LRRC7: variants seen among roughly 807,000 people sequenced by gnomAD.
The protein encoded by LRRC7 is leucine-rich repeat-containing protein 7.
In LRRC7, 23 loss-of-function variants were observed where a neutral mutation model predicts 175.7. That is an observed-to-expected ratio of 0.13 (90% confidence interval 0.09 to 0.19). The LOEUF is 0.19. Among genes scored for constraint, LRRC7 ranks in the 10% least tolerant of loss-of-function variants. The probability of loss-of-function intolerance (pLI) is 1.00; values close to 1 mark genes in which losing one functional copy is unlikely to be tolerated. For missense variants in LRRC7, 1,354 were observed against 1,904.7 expected (o/e 0.71, Z 5.38); for synonymous variants, 685 against 680.9 (o/e 1.01, Z -0.09).
chr1:69,894,343 G>A lies in LRRC7; in HGVS notation c.648-37164G>A, dbSNP rs190691356. Among the ~76,000 whole-genome samples, 240 of 152,218 alleles carry A rather than the reference G, an allele frequency of 1.6e-3. 3 individuals are homozygous for A. The highest frequency in any genetic ancestry group is 5.7e-4 in the Non-Finnish European group (39 of 68,012). On this transcript the variant is annotated intron_variant, in intron 7 of 26. Transcript: ENST00000651989. ...TTTGAACCCTGGCAGTGTGACTCTC[G>A]CCTTGTTCTTAATTACTATGCACAG...
chr1:70,028,450 C>A, intron 18 of LRRC7, 79 bp downstream of exon 18: 1 of 1,247,246 alleles, frequency 8.0e-7, no homozygotes, highest in South Asian at 1.4e-5. Flanking sequence ...CTGAATAGAT[C>A]TTCCTTGATA....
intron 8 of LRRC7, among the ~76,000 whole-genome samples, chr1:69,956,603 T>C (rs1298164420): frequency 6.6e-6 from 1 of 151,802 alleles, no homozygotes; most frequent in South Asian, 2.1e-4. Context: ...ATATGGAAAA[T>C]AAATATATTA....
At chr1:69,906,452 G>T (rs969353005) in intron 7 of LRRC7, among the ~76,000 whole-genome samples, 14 of 152,150 alleles carry the variant, frequency 9.2e-5, no homozygotes, top group African/African-American at 2.9e-4. Context: ...TGTAAGGAAG[G>T]GATCCAGTTT....
chr1:69,738,615 T>C (rs112837021), intron 2 of LRRC7, among the ~76,000 whole-genome samples: 9 of 152,144 alleles, frequency 5.9e-5, no homozygotes, highest in African/African-American at 2.2e-4. Flanking sequence ...AGCCCGTTGC[T>C]TAGGGAGACT....
At chr1:70,104,351 T>C (rs1488612704) in intron 25 of LRRC7, among the ~76,000 whole-genome samples, 1 of 152,210 alleles carries the variant, frequency 6.6e-6, no homozygotes, top group Non-Finnish European at 1.5e-5. Context: ...GGTTTAGATT[T>C]ATCTGGTCTC....
At chr1:70,054,225 A>G (rs992794051) in intron 23 of LRRC7, among the ~76,000 whole-genome samples, 2 of 152,194 alleles carry the variant, frequency 1.3e-5, no homozygotes, top group East Asian at 3.8e-4. Context: ...GAGTATGTAA[A>G]TAAATTCTGT....
At chr1:69,815,897 C>T (rs1443510192) in intron 4 of LRRC7, among the ~76,000 whole-genome samples, 1 of 152,140 alleles carries the variant, frequency 6.6e-6, no homozygotes, top group African/African-American at 2.4e-5. Context: ...AGACTTGCCC[C>T]TTCTCACTAT....
At chr1:69,990,165 G>A (rs1188420645) in intron 10 of LRRC7, among the ~76,000 whole-genome samples, 3 of 152,024 alleles carry the variant, frequency 2.0e-5, no homozygotes, top group African/African-American at 4.8e-5. Flanking sequence ...TAAAGCAATG[G>A]CAAGCTTTAC....
intron 26 of LRRC7, among the ~76,000 whole-genome samples, chr1:70,117,334 T>C (rs957168260): frequency 5.3e-5 from 8 of 152,220 alleles, no homozygotes; most frequent in Non-Finnish European, 1.2e-4. Flanking sequence ...TATAAACATC[T>C]ATAATTTATC....
intron 1 of LRRC7, among the ~76,000 whole-genome samples, chr1:69,630,397 G>A (rs1652297241): frequency 6.6e-6 from 1 of 152,120 alleles, no homozygotes; most frequent in African/African-American, 2.4e-5. Context: ...AGAGTTAAGT[G>A]TTTAAAGGCA....
At chr1:69,731,347 C>G (rs1056316614) in intron 2 of LRRC7, among the ~76,000 whole-genome samples, 1 of 152,052 alleles carries the variant, frequency 6.6e-6, no homozygotes, top group African/African-American at 2.4e-5. Flanking sequence ...ACAAGAACAG[C>G]AGCATGTGGG....
At chr1:70,037,875 A>C (rs1350972534) in intron 20 of LRRC7, among the ~76,000 whole-genome samples, 4 of 152,252 alleles carry the variant, frequency 2.6e-5, no homozygotes, top group African/African-American at 9.6e-5. Flanking sequence ...TACACGTAAT[A>C]GATAAGTAAA....
At chr1:70,118,791 TG>T (rs1211837672) in intron 26 of LRRC7, among the ~76,000 whole-genome samples, 1 of 152,022 alleles carries the variant, frequency 6.6e-6, no homozygotes, top group Non-Finnish European at 1.5e-5. Context: ...TCATGAACAA[TG>T]GGGGGTGGGA....
chr1:69,995,166 T>C (rs1415780342), intron 11 of LRRC7, among the ~76,000 whole-genome samples: 1 of 152,134 alleles, frequency 6.6e-6, no homozygotes, highest in East Asian at 1.9e-4. Flanking sequence ...CTTTTAAAGA[T>C]AAAATATACT....
At chr1:70,001,969 A>G (rs900805659) in intron 11 of LRRC7, among the ~76,000 whole-genome samples, 2 of 152,216 alleles carry the variant, frequency 1.3e-5, no homozygotes, top group African/African-American at 4.8e-5. Flanking sequence ...CCAGACTTCA[A>G]TGCCAAGCTG....
chr1:69,596,484 T>C (rs1159892028), intron 1 of LRRC7, among the ~76,000 whole-genome samples: 1 of 152,158 alleles, frequency 6.6e-6, no homozygotes, highest in East Asian at 1.9e-4. Context: ...AATAACATGC[T>C]CTAAATTCTG....
intron 4 of LRRC7, among the ~76,000 whole-genome samples, chr1:69,796,352 A>C (rs1675764316): frequency 6.6e-6 from 1 of 152,024 alleles, no homozygotes; most frequent in African/African-American, 2.4e-5. Flanking sequence ...AGATAGTACC[A>C]GATTGTAATT....
chr1:69,919,825 T>G (rs1031337818), intron 7 of LRRC7: 1 of 744,270 alleles, frequency 1.3e-6, no homozygotes, highest in African/African-American at 1.7e-5. Flanking sequence ...TCCACGTCAT[T>G]GTCCGCACGG....
At chr1:69,977,516 C>G (rs895546629) in intron 8 of LRRC7, among the ~76,000 whole-genome samples, 2 of 152,104 alleles carry the variant, frequency 1.3e-5, no homozygotes, top group African/African-American at 4.8e-5. Context: ...TGTATCCATT[C>G]TTCTCATTCT....
Sources: gnomAD v4.1 joint callset for allele counts (sites outside exome capture counted in the v4.1 genomes callset) on GRCh38, gnomAD v4.1.1 for gene constraint, MANE v1.5 for transcripts, NCBI Gene and HGNC (gene_info 2026-07-23, HGNC 2026-07-21) for gene names.